The following BTG1 variants were observed in gnomAD, a reference collection of about 807,000 sequenced individuals.
BTG1 encodes the protein BTG anti-proliferation factor 1.
Under a neutral mutation model 15.2 loss-of-function variants are expected in BTG1, and 2 were observed. That is an observed-to-expected ratio of 0.13 (90% CI 0.05 to 0.41). BTG1 has a LOEUF of 0.41. Among genes scored for constraint, BTG1 ranks in the 10% least tolerant of loss-of-function variants. The pLI is 0.99. For synonymous variants in BTG1, 109 were observed against 82.4 expected (o/e 1.32, Z -1.75); for missense variants, 149 against 215.0 (o/e 0.69, Z 1.92).
In BTG1 at chr12:92,140,493, A is replaced by G. The variant is rs944301776; in HGVS notation, c.*3587T>C. On this transcript the variant is annotated 3_prime_UTR_variant, in exon 2 of 2. Coordinates refer to ENST00000256015, the MANE Select transcript of BTG1 (RefSeq NM_001731.3). ...ACTTAACATCAGAAGAAAATGATCT[A>G]TAGGGATAAAGAAAATAAAGATCTA... is the stretch of plus-strand genomic sequence containing the variant. 6.1e-5 allele frequency: 14 copies of G among 229,346 alleles called. No homozygotes were observed. The highest frequency in any genetic ancestry group is 8.6e-6 in the Non-Finnish European group (1 of 115,768). The allele number at this position is 229,346 out of a possible 1,614,324, so 14.2% of individuals were successfully genotyped here. A position where few individuals can be genotyped will look rare whatever the true frequency, so the allele number is the denominator to read the frequency against.
chr12:92,145,402 T>C lies in BTG1; in HGVS notation c.134A>G (p.Gln45Arg), dbSNP rs1464300197. The C allele has an allele frequency of 5.7e-6, 9 of 1,584,986 alleles. No individual in the cohort carries two copies. The highest frequency in any genetic ancestry group is 1.7e-5 in the Admixed American group (1 of 57,286). Residue 45 changes from glutamine (Q) to arginine (R), a missense_variant, in exon 1 of 2, where the codon CAG becomes CGG. Physicochemically the swap from Gln to Arg is conservative, Grantham distance 43. Coordinates refer to ENST00000256015, the MANE Select transcript of BTG1 (RefSeq NM_001731.3). ...GCCCTGCTCACCTGCCAGCAGCTCCTGCAGGCTCTGGCTGAAGGTCTGCAG... is the reference window on the plus strand; with the variant it reads ...GCCCTGCTCACCTGCCAGCAGCTCCCGCAGGCTCTGGCTGAAGGTCTGCAG... ...RQLQTFSQSL[Q>R]ELLAEHYKHH...
chr12:92,140,705 T>A lies in BTG1; in HGVS notation c.*3375A>T. The A allele has an allele frequency of 4.3e-6, 1 of 232,282 alleles. No individual in the cohort carries two copies. The highest frequency in any genetic ancestry group is 6.1e-5 in the East Asian group (1 of 16,384). 14.4% of individuals were successfully genotyped at this position (232,282 alleles called of 1,614,324 possible). On this transcript the variant is annotated 3_prime_UTR_variant, in exon 2 of 2. Transcript: ENST00000256015. The stretch of plus-strand genomic sequence containing the variant: ...TGAAAATAAACCGGTTATATTTTGA[T>A]AGCAGCCATATATAAAAGTTCAGTG...
chr12:92,144,053 T>C lies in BTG1; in HGVS notation c.*27A>G, dbSNP rs1565854958. The C allele has an allele frequency of 2.5e-6, 4 of 1,603,448 alleles. No individual in the cohort carries two copies. Among genetic ancestry groups the C allele is most frequent in the Non-Finnish European group, 3.4e-6 (4 of 1,177,918 alleles). On this transcript the variant is annotated 3_prime_UTR_variant, in exon 2 of 2. Transcript: ENST00000256015. ...CAAAAATCAAATTTATCCATCATCA[T>C]CAGATGATCCATCCACAGACTATAT...
rs1318654567 is a variant in BTG1, at chr12:92,144,272, G to C, written c.324C>G (p.Pro108=). 1 of 1,614,220 alleles carries C rather than the reference G, an allele frequency of 6.2e-7. No homozygotes were observed. The highest frequency in any genetic ancestry group is 1.6e-4 in the Middle Eastern group (1 of 6,062). Residue 108 remains proline (P), a synonymous_variant, in exon 2 of 2, where the codon CCC becomes CCG. Coordinates refer to ENST00000256015, the MANE Select transcript of BTG1 (RefSeq NM_001731.3). ...LPSELTLWVD[P]YEVSYRIGED... is the part of the protein sequence containing the mutation. ...CTCCAATTCTGTAGGACACTTCATA[G>C]GGGTCAACCCAGAGTGTGAGTTCAC...
intron 1 of BTG1, chr12:92,145,087 A>T (rs1292769199): frequency 1.3e-5 from 3 of 237,272 alleles, no homozygotes; most frequent in Non-Finnish European, 2.4e-5. Flanking sequence ...TTTGTCCCCA[A>T]ATCCGCCGAC....
Position 92,145,684 on chromosome 12 carries a change from CT to C in BTG1, c.-150del. On this transcript the variant is annotated 5_prime_UTR_variant, in exon 1 of 2. An upstream open reading frame in the 5' UTR loses its in-frame stop. Transcript: ENST00000256015. ...CGGACGACTACTTTTGTCTTTCTTT[CT>C]TTAGACTAAAAAAGTTATTTTCGAG... 1 of 467,092 alleles carries C rather than the reference CT, an allele frequency of 2.1e-6. No homozygotes were observed. The allele number at this position is 467,092 out of a possible 1,614,324, so 28.9% of individuals were successfully genotyped here.
In BTG1 at chr12:92,142,467, T is replaced by TG. The variant is rs992676791; in HGVS notation, c.*1612dup. The TG allele has an allele frequency of 3.9e-5, 9 of 231,642 alleles. No homozygotes were observed. Among genetic ancestry groups the TG allele is most frequent in the Admixed American group, 2.3e-4 (4 of 17,756 alleles). The allele number at this position is 231,642 out of a possible 1,614,324, so 14.3% of individuals were successfully genotyped here. On this transcript the variant is annotated 3_prime_UTR_variant, in exon 2 of 2. Transcript: ENST00000256015. ...CTAAACAGCAAGTCCTTCTATTATA[T>TG]GGGGTAGTGAAGTAATCTACACTAC... is the stretch of plus-strand genomic sequence containing the variant.
In BTG1 at chr12:92,142,173, G is replaced by A; in HGVS notation, c.*1907C>T. On this transcript the variant is annotated 3_prime_UTR_variant, in exon 2 of 2. Transcript: ENST00000256015. ...GTGCCAATAATATCCACAGACATTT[G>A]TACTCTAAATACCTGCATATTCAGT... 4.3e-6 allele frequency: 1 copy of A among 232,158 alleles called. No homozygotes were observed. Among genetic ancestry groups the A allele is most frequent in the Non-Finnish European group, 8.5e-6 (1 of 117,424 alleles). 14.4% of individuals were successfully genotyped at this position (232,158 alleles called of 1,614,324 possible).
At chr12:92,144,708 T>A (rs1388179143) in intron 1 of BTG1, among the ~76,000 whole-genome samples, 1 of 152,174 alleles carries the variant, frequency 6.6e-6, no homozygotes, top group Admixed American at 6.5e-5. Context: ...GCGCGCAGCC[T>A]CGGCCAGTCG....
At position 92,145,553 on chromosome 12, in the gene BTG1, G is replaced by C. The variant is rs1011187688; in HGVS notation, c.-18C>G. On this transcript the variant is annotated 5_prime_UTR_variant, in exon 1 of 2. Coordinates refer to ENST00000256015, the MANE Select transcript of BTG1 (RefSeq NM_001731.3). ...GGATGCATGGGGGCGGCGTGCGGGG[G>C]CGGCCCGGGGCGGCTGGGGCTCGGC... is the stretch of plus-strand genomic sequence containing the variant. The C allele has an allele frequency of 3.6e-6, 5 of 1,402,704 alleles. No homozygotes were observed. The highest frequency in any genetic ancestry group is 3.7e-6 in the Non-Finnish European group (4 of 1,071,858). The allele number at this position is 1,402,704 out of a possible 1,614,324, so 86.9% of individuals were successfully genotyped here. A position where few individuals can be genotyped will look rare whatever the true frequency, so the allele number is the denominator to read the frequency against.
In BTG1 at chr12:92,143,296, G is replaced by T. The variant is rs2136947232; in HGVS notation, c.*784C>A. The T allele has an allele frequency of 4.3e-6, 1 of 232,862 alleles. No homozygotes were observed. The highest frequency in any genetic ancestry group is 2.2e-5 in the African/African-American group (1 of 45,408). The allele number at this position is 232,862 out of a possible 1,614,324, so 14.4% of individuals were successfully genotyped here. A position where few individuals can be genotyped will look rare whatever the true frequency, so the allele number is the denominator to read the frequency against. On this transcript the variant is annotated 3_prime_UTR_variant, in exon 2 of 2. Coordinates refer to ENST00000256015, the MANE Select transcript of BTG1 (RefSeq NM_001731.3). ...ACTAACAAAGTTCACAAAATAGATG[G>T]TGGTTTGTGGAAAAGACTTTTACCC...
In BTG1 at chr12:92,140,393, T is replaced by C. The variant is rs956521885; in HGVS notation, c.*3687A>G. 1 of 221,650 alleles carries C rather than the reference T, an allele frequency of 4.5e-6. No homozygotes were observed. The highest frequency in any genetic ancestry group is 9.0e-6 in the Non-Finnish European group (1 of 110,984). The allele number at this position is 221,650 out of a possible 1,614,324, so 13.7% of individuals were successfully genotyped here. On this transcript the variant is annotated 3_prime_UTR_variant, in exon 2 of 2. Transcript: ENST00000256015. ...GTGTCAATCATACTCCACAAAGTGTTGAGGAAATGGTATCAATCCTCAGGA... is the reference window on the plus strand; with the variant it reads ...GTGTCAATCATACTCCACAAAGTGTCGAGGAAATGGTATCAATCCTCAGGA...
chr12:92,140,645 A>C lies in BTG1; in HGVS notation c.*3435T>G, dbSNP rs1870147319. ...GGTATTACAAACTATCTTACTGTAA[A>C]AGATTTTGTGATACTGTTATATTAG... On this transcript the variant is annotated 3_prime_UTR_variant, in exon 2 of 2. Coordinates refer to ENST00000256015, the MANE Select transcript of BTG1 (RefSeq NM_001731.3). 1.3e-5 allele frequency: 3 copies of C among 232,068 alleles called. No individual in the cohort carries two copies. Among genetic ancestry groups the C allele is most frequent in the African/African-American group, 6.6e-5 (3 of 45,294 alleles). 14.4% of individuals were successfully genotyped at this position (232,068 alleles called of 1,614,324 possible).
chr12:92,144,528 T>C (rs537401758), intron 1 of BTG1, 81 bp from the exon 2 acceptor site: 1 of 1,549,274 alleles, frequency 6.5e-7, no homozygotes, highest in South Asian at 1.2e-5. Context: ...CCAGGCTCCT[T>C]TGAGGAGCGA....
chr12:92,145,422 C>A lies in BTG1; in HGVS notation c.114G>T (p.Gln38His). 1.9e-6 allele frequency: 3 copies of A among 1,591,514 alleles called. No individual in the cohort carries two copies. The highest frequency in any genetic ancestry group is 2.6e-6 in the Non-Finnish European group (3 of 1,170,390). ...TKGLTSERQLQTFSQSLQELL... is the reference protein window; with the variant it reads ...TKGLTSERQLHTFSQSLQELL... ...GCTCCTGCAGGCTCTGGCTGAAGGT[C>A]TGCAGCTGTCGCTCGCTCGTGAGCC... Residue 38 changes from glutamine (Q) to histidine (H), a missense_variant, in exon 1 of 2, where the codon CAG becomes CAT. Gln to His is a conservative substitution (Grantham distance 24). Coordinates refer to ENST00000256015, the MANE Select transcript of BTG1 (RefSeq NM_001731.3).
rs754625213 is a variant in BTG1 at position 92,145,489 on chromosome 12, G to C, written c.47C>G (p.Ala16Gly). 6.3e-7 allele frequency: 1 copy of C among 1,587,282 alleles called. No individual in the cohort carries two copies. Among genetic ancestry groups the C allele is most frequent in the South Asian group, 1.1e-5 (1 of 88,566 alleles). ...CTTGGAGATGAAGGACACGGCGGCG[G>C]CGATCTCGCCTATCATGGTGGCGGC... ...TRAATMIGEI[A>G]AAVSFISKFL... The change falls in exon 1 of 2, where the codon GCC becomes GGC. Residue 16 changes from alanine to glycine, a missense_variant. Physicochemically the swap from Ala to Gly is moderately conservative, Grantham distance 60. Transcript: ENST00000256015.
Position 92,141,028 on chromosome 12 carries a change from TCACG to T in BTG1, c.*3048_*3051del, listed in dbSNP as rs1204677625. ...GAGAGAGTATCAGAAATGTTAAAAGTCACGCAGGGAGAAGTCCAATAGTAGATTT... is the reference window on the plus strand; with the variant it reads ...GAGAGAGTATCAGAAATGTTAAAAGTCAGGGAGAAGTCCAATAGTAGATTT... On this transcript the variant is annotated 3_prime_UTR_variant, in exon 2 of 2. Transcript: ENST00000256015. 8.6e-6 allele frequency: 2 copies of T among 232,646 alleles called. No homozygotes were observed. Among genetic ancestry groups the T allele is most frequent in the Admixed American group, 1.1e-4 (2 of 17,772 alleles). The allele number at this position is 232,646 out of a possible 1,614,324, so 14.4% of individuals were successfully genotyped here.
Position 92,144,381 on chromosome 12 carries a change from A to T in BTG1, c.215T>A (p.Ile72Asn). ...CKGSGYRCIR[I>N]NHKMDPLIGQ... ...AATCAGAGGATCCATTTTATGGTTG[A>T]TGCGAATACAACGGTAACCCGATCC... Residue 72 changes from isoleucine (I) to asparagine (N), a missense_variant, in exon 2 of 2, where the codon ATC becomes AAC. Around this residue, in one of 3 missense-constraint regions of BTG1, gnomAD observed 34 missense variants for 96.8 expected, o/e 0.35. Transcript: ENST00000256015. 1 of 1,614,248 alleles carries T rather than the reference A, an allele frequency of 6.2e-7. No individual in the cohort carries two copies. The highest frequency in any genetic ancestry group is 8.5e-7 in the Non-Finnish European group (1 of 1,180,032).
Position 92,142,825 on chromosome 12 carries a change from A to C in BTG1, c.*1255T>G, listed in dbSNP as rs1239147226. 9 of 233,074 alleles carry C rather than the reference A, an allele frequency of 3.9e-5. No homozygotes were observed. The highest frequency in any genetic ancestry group is 1.3e-3 in the Middle Eastern group (1 of 780). 14.4% of individuals were successfully genotyped at this position (233,074 alleles called of 1,614,324 possible). On this transcript the variant is annotated 3_prime_UTR_variant, in exon 2 of 2. Transcript: ENST00000256015. ...CATTTATATCTTCACTTCAACAGGG[A>C]AGCAATGAAATGTAATCCTTTGAGT...
Sources: gnomAD v4.1 joint callset for allele counts (sites outside exome capture counted in the v4.1 genomes callset) on GRCh38, gnomAD v4.1.1 for gene constraint, gnomAD v4.1.1 regional missense constraint, MANE v1.5 for transcripts, NCBI Gene and HGNC (gene_info 2026-07-23, HGNC 2026-07-21) for gene names.